The following FHIT variants were observed in gnomAD, a reference collection of about 807,000 sequenced individuals.
FHIT encodes fragile histidine triad diadenosine triphosphatase.
Under a neutral mutation model 17.9 loss-of-function variants are expected in FHIT, and 19 were observed. That is an observed-to-expected ratio of 1.06 (90% CI 0.74 to 1.56). The LOEUF (loss-of-function observed/expected upper bound fraction) is 1.56, where lower values mean the gene tolerates loss of function less well. Ranked by LOEUF, FHIT falls within the 40% of genes most tolerant of loss-of-function variation. The probability of loss-of-function intolerance (pLI) is 0.00; values close to 1 mark genes in which losing one functional copy is unlikely to be tolerated. For missense variants in FHIT, 248 were observed against 189.2 expected (o/e 1.31, Z -1.82); for synonymous variants, 81 against 69.7 (o/e 1.16, Z -0.81).
At chr3:60,731,063 G>A (rs1030527888) in intron 4 of FHIT, among the ~76,000 whole-genome samples, 9 of 152,186 alleles carry the variant, frequency 5.9e-5, no homozygotes, top group South Asian at 2.1e-4. Flanking sequence ...CTTGGCAGGC[G>A]AAGGTTGCAG....
intron 1 of FHIT, among the ~76,000 whole-genome samples, chr3:61,210,090 G>A (rs990170019): frequency 6.6e-6 from 1 of 152,238 alleles, no homozygotes; most frequent in Non-Finnish European, 1.5e-5. Context: ...CAGACTCTGT[G>A]TGCCTGGGTA....
intron 4 of FHIT, among the ~76,000 whole-genome samples, chr3:60,818,474 G>A (rs1701812241): frequency 6.6e-6 from 1 of 152,112 alleles, no homozygotes; most frequent in Admixed American, 6.6e-5. Flanking sequence ...TTTTATCTTT[G>A]TGATAATTTG....
chr3:60,166,950 G>A (rs748094876), intron 5 of FHIT, among the ~76,000 whole-genome samples: 1 of 152,162 alleles, frequency 6.6e-6, no homozygotes, highest in African/African-American at 2.4e-5. Context: ...GTGGCTGACA[G>A]TCCAGTTGCT....
chr3:59,871,009 C>T (rs987865244), intron 8 of FHIT, among the ~76,000 whole-genome samples: 1 of 152,108 alleles, frequency 6.6e-6, no homozygotes, highest in African/African-American at 2.4e-5. Flanking sequence ...TGGTCTTCTC[C>T]TTGTTCAATA....
intron 3 of FHIT, among the ~76,000 whole-genome samples, chr3:60,875,923 ATGTGTGTGTG>A (rs60177380): frequency 1.1e-4 from 15 of 136,900 alleles, no homozygotes; most frequent in East Asian, 9.0e-4. Context: ...AAACTTATTC[ATGTGTGTGTG>A]TGTGTGTGTG....
At chr3:60,831,410 C>T (rs1702321214) in intron 3 of FHIT, among the ~76,000 whole-genome samples, 1 of 152,074 alleles carries the variant, frequency 6.6e-6, no homozygotes, top group Non-Finnish European at 1.5e-5. Context: ...CTGGACTTGG[C>T]AGTTCAAAAA....
chr3:60,842,365 A>G (rs1702750197), intron 3 of FHIT, among the ~76,000 whole-genome samples: 1 of 151,698 alleles, frequency 6.6e-6, no homozygotes, highest in Admixed American at 6.6e-5. Context: ...AAGAACTCAG[A>G]GTGTGACTTC....
At chr3:59,841,036 A>G (rs1008912793) in intron 8 of FHIT, among the ~76,000 whole-genome samples, 1 of 152,176 alleles carries the variant, frequency 6.6e-6, no homozygotes, top group African/African-American at 2.4e-5. Flanking sequence ...TTTGCTAAAG[A>G]GTTGGTTTAA....
intron 3 of FHIT, among the ~76,000 whole-genome samples, chr3:60,845,298 T>G (rs1048232245): frequency 9.9e-5 from 15 of 151,710 alleles, no homozygotes; most frequent in Admixed American, 3.9e-4. Context: ...AAAAAAATAA[T>G]TAGAAAGGTA....
At chr3:60,838,239 G>A (rs1318157154) in intron 3 of FHIT, among the ~76,000 whole-genome samples, 1 of 152,168 alleles carries the variant, frequency 6.6e-6, no homozygotes, top group Non-Finnish European at 1.5e-5. Flanking sequence ...TTGGGAAGCC[G>A]AGGCAGGCGG....
At chr3:60,457,878 A>G (rs866072804) in intron 5 of FHIT, among the ~76,000 whole-genome samples, 17 of 152,156 alleles carry the variant, frequency 1.1e-4, no homozygotes, top group Non-Finnish European at 2.1e-4. Context: ...CAAAACCACA[A>G]TGAGATACCA....
chr3:59,948,065 C>T (rs9819930), intron 7 of FHIT, among the ~76,000 whole-genome samples: 25,251 of 151,984 alleles, frequency 0.17, 2,477 homozygotes, highest in East Asian at 0.34. Flanking sequence ...AACCTTTTGA[C>T]TGTGTCCAGT....
chr3:61,210,839 G>A (rs1022030864), intron 1 of FHIT, among the ~76,000 whole-genome samples: 2 of 151,776 alleles, frequency 1.3e-5, no homozygotes, highest in African/African-American at 4.8e-5. Context: ...GCACTCCCCA[G>A]TGAGATGAAC....
intron 7 of FHIT, among the ~76,000 whole-genome samples, chr3:59,963,745 A>G (rs1707796745): frequency 6.6e-6 from 1 of 152,234 alleles, no homozygotes. Flanking sequence ...TTTGACTCCA[A>G]GAAGAATTCT....
intron 7 of FHIT, among the ~76,000 whole-genome samples, chr3:60,007,034 A>C (rs1185543207): frequency 3.9e-5 from 6 of 152,216 alleles, no homozygotes; most frequent in Non-Finnish European, 1.5e-5. Flanking sequence ...TATAAAATTA[A>C]ATTTCTAAGT....
At chr3:59,881,103 G>T (rs186471840) in intron 8 of FHIT, among the ~76,000 whole-genome samples, 1 of 152,228 alleles carries the variant, frequency 6.6e-6, no homozygotes, top group Non-Finnish European at 1.5e-5. Flanking sequence ...GGGCAATGAC[G>T]CTGTACCTTT....
At chr3:60,097,953 G>C (rs1704029962) in intron 5 of FHIT, among the ~76,000 whole-genome samples, 2 of 149,300 alleles carry the variant, frequency 1.3e-5, no homozygotes, top group African/African-American at 2.5e-5. Flanking sequence ...CTATGAGTGA[G>C]AACATGCAGT....
chr3:60,429,389 GC>G (rs1477204244), intron 5 of FHIT, among the ~76,000 whole-genome samples: 1 of 152,034 alleles, frequency 6.6e-6, no homozygotes, highest in Non-Finnish European at 1.5e-5. Flanking sequence ...AGGAGCAAGA[GC>G]TAAATATGGA....
At chr3:59,973,455 CCT>C (rs1283000436) in intron 7 of FHIT, among the ~76,000 whole-genome samples, 2 of 152,132 alleles carry the variant, frequency 1.3e-5, no homozygotes, top group African/African-American at 4.8e-5. Context: ...CCCTCCCCAA[CCT>C]CTGTCTCTGC....
Sources: gnomAD v4.1 joint callset for allele counts (sites outside exome capture counted in the v4.1 genomes callset) on GRCh38, gnomAD v4.1.1 for gene constraint, MANE v1.5 for transcripts, NCBI Gene and HGNC (gene_info 2026-07-23, HGNC 2026-07-21) for gene names.